The following MEMO1 variants were observed in gnomAD, a reference collection of about 807,000 sequenced individuals.
MEMO1 encodes the protein protein MEMO1.
A neutral mutation model predicts 45.2 loss-of-function variants in MEMO1; 6 were observed. The observed-to-expected ratio is 0.13, with a 90% confidence interval of 0.07 to 0.26. MEMO1 has a LOEUF of 0.26. Ranked by LOEUF, MEMO1 falls within the 10% of genes least tolerant of loss-of-function variation. The probability of loss-of-function intolerance (pLI) is 1.00; values close to 1 mark genes in which losing one functional copy is unlikely to be tolerated. For missense variants in MEMO1, 184 were observed against 370.5 expected, an observed-to-expected ratio of 0.50 and a Z score of 4.13; for synonymous variants, 78 against 124.3, an observed-to-expected ratio of 0.63 and a Z score of 2.48.
intron 6 of MEMO1, among the ~76,000 whole-genome samples, chr2:31,915,621 G>GA (rs1000730375): frequency 9.3e-5 from 14 of 150,918 alleles, no homozygotes; most frequent in East Asian, 1.9e-4. Flanking sequence ...AAAAAAGAAA[G>GA]AAAAAAAAAG....
chr2:31,927,154 C>T (rs1683236263), intron 4 of MEMO1, among the ~76,000 whole-genome samples: 1 of 151,864 alleles, frequency 6.6e-6, no homozygotes, highest in Non-Finnish European at 1.5e-5. Flanking sequence ...CATGGTGAAA[C>T]CCTAAAAATT....
chr2:32,006,670 A>G (rs1293019670), intron 2 of MEMO1, among the ~76,000 whole-genome samples: 1 of 151,718 alleles, frequency 6.6e-6, no homozygotes, highest in Admixed American at 6.6e-5. Flanking sequence ...GCACACACAT[A>G]AAGAAGTGAG....
At chr2:31,967,186 C>T (rs1668735862) in intron 2 of MEMO1, among the ~76,000 whole-genome samples, 2 of 151,138 alleles carry the variant, frequency 1.3e-5, no homozygotes, top group African/African-American at 4.9e-5. Flanking sequence ...TGCAGCGGCG[C>T]CATCTCGGCT....
chr2:31,933,463 T>G (rs1250687009), intron 3 of MEMO1, among the ~76,000 whole-genome samples: 1 of 141,636 alleles, frequency 7.1e-6, no homozygotes, highest in African/African-American at 2.7e-5. Flanking sequence ...CTTTTGAGGG[T>G]GATGAATATG....
At chr2:32,001,330 C>T (rs1194667416) in intron 2 of MEMO1, among the ~76,000 whole-genome samples, 1 of 151,762 alleles carries the variant, frequency 6.6e-6, no homozygotes, top group Non-Finnish European at 1.5e-5. Context: ...TGAGCCATCG[C>T]ACCCGGCAGA....
At chr2:31,951,570 T>G (rs999908500) in intron 2 of MEMO1, among the ~76,000 whole-genome samples, 1 of 151,956 alleles carries the variant, frequency 6.6e-6, no homozygotes, top group Non-Finnish European at 1.5e-5. Flanking sequence ...TCTCACTCTG[T>G]CACCCAGGCT....
chr2:32,010,165 G>C lies in MEMO1; in HGVS notation c.61+22C>G. ...GGCCAGGCGGCGACGGCGGCGGGCG[G>C]GCCGGCGGCCTGGGGCCCTACCTGA... is the stretch of plus-strand genomic sequence containing the variant. On this transcript the variant is annotated intron_variant, in intron 2 of 9. Coordinates refer to ENST00000404530, the MANE Select transcript of MEMO1 (RefSeq NM_001301833.4). The C allele has an allele frequency of 1.5e-6, 2 of 1,302,054 alleles. 1 individual carries two copies. Among genetic ancestry groups the C allele is most frequent in the East Asian group, 7.7e-5 (2 of 26,142 alleles). The allele number at this position is 1,302,054 out of a possible 1,614,324, so 80.7% of individuals were successfully genotyped here.
At chr2:31,970,933 G>T (rs970339912) in intron 2 of MEMO1, among the ~76,000 whole-genome samples, 10 of 152,188 alleles carry the variant, frequency 6.6e-5, no homozygotes, top group Admixed American at 6.5e-4. Flanking sequence ...GAACCCAGAA[G>T]GTGGAGGTTG....
chr2:31,902,521 A>G (rs1035102383), intron 6 of MEMO1, among the ~76,000 whole-genome samples: 2 of 152,190 alleles, frequency 1.3e-5, no homozygotes, highest in African/African-American at 2.4e-5. Flanking sequence ...ACAAGCTGCT[A>G]CCTACAGCAG....
At chr2:31,931,957 C>T in intron 4 of MEMO1, 110 bp downstream of exon 4, 3 of 852,258 alleles carry the variant, frequency 3.5e-6, no homozygotes, top group Non-Finnish European at 5.6e-6. Context: ...AGTCAAATCC[C>T]TCATGAAATT....
intron 7 of MEMO1, among the ~76,000 whole-genome samples, chr2:31,888,076 T>TA (rs776819837): frequency 6.6e-6 from 1 of 152,078 alleles, no homozygotes; most frequent in East Asian, 1.9e-4. Context: ...TTCTCATATT[T>TA]AAAAAAATAT....
chr2:31,942,997 A>C (rs1553370938), intron 3 of MEMO1, among the ~76,000 whole-genome samples: 1 of 152,184 alleles, frequency 6.6e-6, no homozygotes, highest in Non-Finnish European at 1.5e-5. Context: ...TAGACTCTTA[A>C]AACTTACAGT....
At chr2:31,992,171 C>T (rs1672024006) in intron 2 of MEMO1, among the ~76,000 whole-genome samples, 1 of 152,208 alleles carries the variant, frequency 6.6e-6, no homozygotes, top group Non-Finnish European at 1.5e-5. Flanking sequence ...TAATTTCCAA[C>T]AGAATTCTTA....
intron 6 of MEMO1, among the ~76,000 whole-genome samples, chr2:31,914,455 A>C (rs1324471128): frequency 6.6e-6 from 1 of 152,174 alleles, no homozygotes; most frequent in Non-Finnish European, 1.5e-5. Flanking sequence ...TATAGTCAAT[A>C]ACTCAATTGT....
Position 31,933,344 on chromosome 2 carries a change from AAAAAATTTATATATATATATATATATAT to A in MEMO1, c.144-1237_144-1210del, listed in dbSNP as rs1664467306. ...AAAAAAAAAAAAAAAAAAAAAAAAA[AAAAAATTTATATATATATATATATATAT>A]ATATATATATAGAAAGGGGAAGAGA... On this transcript the variant is annotated intron_variant, in intron 3 of 9. Coordinates refer to ENST00000404530, the MANE Select transcript of MEMO1 (RefSeq NM_001301833.4). 5.6e-5 allele frequency among the ~76,000 whole-genome samples: 2 copies of A among 35,420 alleles called. 1 individual carries two copies. The allele number at this position is 35,420 out of a possible 152,430, so 23.2% of individuals were successfully genotyped here. A position where few individuals can be genotyped will look rare whatever the true frequency, so the allele number is the denominator to read the frequency against.
chr2:31,901,921 A>C (rs1337049122), intron 6 of MEMO1, among the ~76,000 whole-genome samples: 2 of 151,456 alleles, frequency 1.3e-5, no homozygotes, highest in Admixed American at 1.3e-4. Context: ...AAAAAAAAAA[A>C]GTTCTAAAAC....
At chr2:32,006,980 A>G (rs1054429018) in intron 2 of MEMO1, among the ~76,000 whole-genome samples, 1 of 151,808 alleles carries the variant, frequency 6.6e-6, no homozygotes, top group Non-Finnish European at 1.5e-5. Flanking sequence ...AAAAAAAAAA[A>G]AAAAAAAGAA....
chr2:31,971,292 A>G (rs775826912), intron 2 of MEMO1, among the ~76,000 whole-genome samples: 1 of 152,122 alleles, frequency 6.6e-6, no homozygotes, highest in Non-Finnish European at 1.5e-5. Flanking sequence ...CTGTTGCCCA[A>G]GCTGTTGTAC....
intron 3 of MEMO1, among the ~76,000 whole-genome samples, chr2:31,939,109 C>CAA (rs34125983): frequency 6.9e-6 from 1 of 144,806 alleles, no homozygotes; most frequent in Admixed American, 6.9e-5. Flanking sequence ...TTTTCTACCT[C>CAA]AAAAAAAAAA....
Sources: allele counts gnomAD v4.1 joint callset (sites outside exome capture counted in the v4.1 genomes callset), GRCh38; gene constraint gnomAD v4.1.1; transcripts MANE v1.5; gene names NCBI Gene and HGNC (gene_info 2026-07-23, HGNC 2026-07-21).